Variants in NR6A1 observed in about 807,000 individuals in gnomAD.
NR6A1 encodes retinoic acid receptor-related testis-associated receptor.
Under a neutral mutation model 59.1 loss-of-function variants are expected in NR6A1, and 7 were observed. That is an observed-to-expected ratio of 0.12 (90% CI 0.07 to 0.22). The LOEUF (loss-of-function observed/expected upper bound fraction) is 0.22, where lower values mean the gene tolerates loss of function less well. NR6A1 is among the 10% of genes least tolerant of loss of function. The pLI is 1.00. For missense variants in NR6A1, 468 were observed against 611.6 expected (o/e 0.77, Z 2.48); for synonymous variants, 243 against 236.1 (o/e 1.03, Z -0.27).
At chr9:124,641,851 T>C (rs185582375) in intron 2 of NR6A1, among the ~76,000 whole-genome samples, 1 of 152,318 alleles carries the variant, frequency 6.6e-6, no homozygotes, top group African/African-American at 2.4e-5. Context: ...TAGAGCCTTA[T>C]TCTGTGCTTA....
intron 2 of NR6A1, among the ~76,000 whole-genome samples, chr9:124,584,327 G>A (rs567925499): frequency 3.3e-5 from 5 of 152,086 alleles, no homozygotes; most frequent in African/African-American, 9.6e-5. Flanking sequence ...GGATGCTCTC[G>A]ATCTCCTGAC....
At chr9:124,690,764 C>G (rs566968851) in intron 2 of NR6A1, among the ~76,000 whole-genome samples, 2 of 152,056 alleles carry the variant, frequency 1.3e-5, no homozygotes, top group African/African-American at 2.4e-5. Flanking sequence ...AGTATATAAA[C>G]CCCTTAGCCA....
intron 1 of NR6A1, among the ~76,000 whole-genome samples, chr9:124,743,445 T>C (rs1458479201): frequency 6.6e-6 from 1 of 152,222 alleles, no homozygotes; most frequent in East Asian, 1.9e-4. Context: ...AATACCCTTT[T>C]CCTAATGTAA....
At chr9:124,616,335 G>A (rs552050988) in intron 2 of NR6A1, among the ~76,000 whole-genome samples, 99 of 150,402 alleles carry the variant, frequency 6.6e-4, no homozygotes, top group Non-Finnish European at 1.1e-3. Context: ...CTCGGGAAGC[G>A]GAGATTGCAG....
At chr9:124,603,314 A>G (rs1260567595) in intron 2 of NR6A1, among the ~76,000 whole-genome samples, 1 of 152,114 alleles carries the variant, frequency 6.6e-6, no homozygotes. Context: ...TGGGTGGGGT[A>G]CAGTTCTTCT....
At chr9:124,630,210 G>GTTTTTT (rs71372979) in intron 2 of NR6A1, among the ~76,000 whole-genome samples, 19 of 95,352 alleles carry the variant, frequency 2.0e-4, no homozygotes, top group East Asian at 3.2e-4. Flanking sequence ...CTCCAAATCA[G>GTTTTTT]TTTTTTTTTT....
Position 124,559,232 on chromosome 9 carries a change from A to G in NR6A1, c.143-4662T>C, listed in dbSNP as rs1834012437. ...GTACAGATCTTTACCTGAGGCATGA[A>G]TTCCCTCCACAATGTTCCAAGACAA... On this transcript the variant is annotated intron_variant, in intron 2 of 9. Transcript: ENST00000487099. Among the ~76,000 whole-genome samples, 5 of 152,176 alleles carry G rather than the reference A, an allele frequency of 3.3e-5. No homozygotes were observed. The South Asian group carries it at 1.0e-3, about 32-fold the overall frequency.
intron 3 of NR6A1, among the ~76,000 whole-genome samples, chr9:124,552,694 T>C (rs1431239909): frequency 6.6e-6 from 1 of 152,220 alleles, no homozygotes; most frequent in African/African-American, 2.4e-5. Flanking sequence ...CCCTAAGCTG[T>C]ATCTGTAAAC....
At chr9:124,644,101 A>G (rs1035214662) in intron 2 of NR6A1, among the ~76,000 whole-genome samples, 1 of 151,466 alleles carries the variant, frequency 6.6e-6, no homozygotes, top group Non-Finnish European at 1.5e-5. Flanking sequence ...GGGTTTCACT[A>G]TATTGGCCAG....
chr9:124,633,856 C>G (rs930278355), intron 2 of NR6A1, among the ~76,000 whole-genome samples: 3 of 152,342 alleles, frequency 2.0e-5, no homozygotes, highest in African/African-American at 7.2e-5. Flanking sequence ...GCCTATACCT[C>G]AGAGAGAGTT....
At chr9:124,559,664 C>T (rs1051828540) in intron 2 of NR6A1, among the ~76,000 whole-genome samples, 1 of 152,076 alleles carries the variant, frequency 6.6e-6, no homozygotes, top group African/African-American at 2.4e-5. Context: ...GTAATCCCAG[C>T]GACTCGGGAG....
chr9:124,691,471 T>A (rs1338467128), intron 2 of NR6A1, among the ~76,000 whole-genome samples: 1 of 152,234 alleles, frequency 6.6e-6, no homozygotes, highest in Admixed American at 6.5e-5. Context: ...TCCTATTAAG[T>A]ATTCCTAGAT....
intron 1 of NR6A1, among the ~76,000 whole-genome samples, chr9:124,765,177 T>A (rs1278119561): frequency 6.6e-6 from 1 of 152,214 alleles, no homozygotes; most frequent in Non-Finnish European, 1.5e-5. Context: ...ATTCTGTATT[T>A]GAGATTATAT....
At chr9:124,584,925 T>C (rs1338219155) in intron 2 of NR6A1, among the ~76,000 whole-genome samples, 3 of 152,238 alleles carry the variant, frequency 2.0e-5, no homozygotes, top group African/African-American at 7.2e-5. Context: ...AGAGCCAAGC[T>C]GTGAATGCAA....
intron 2 of NR6A1, among the ~76,000 whole-genome samples, chr9:124,576,644 C>T (rs1381751331): frequency 6.6e-6 from 1 of 152,178 alleles, no homozygotes; most frequent in Non-Finnish European, 1.5e-5. Flanking sequence ...GACTTAATGT[C>T]TCCGAGCTTT....
At chr9:124,729,251 T>A (rs1407596127) in intron 2 of NR6A1, among the ~76,000 whole-genome samples, 1 of 152,238 alleles carries the variant, frequency 6.6e-6, no homozygotes, top group Admixed American at 6.5e-5. Context: ...CACATCATAG[T>A]ATATAAGCAT....
chr9:124,710,734 C>T (rs1839254010), intron 2 of NR6A1, among the ~76,000 whole-genome samples: 1 of 152,164 alleles, frequency 6.6e-6, no homozygotes, highest in African/African-American at 2.4e-5. Context: ...TAGTATTCTA[C>T]TAAGCCTAGT....
chr9:124,578,299 A>G (rs1834665688), intron 2 of NR6A1, among the ~76,000 whole-genome samples: 1 of 152,170 alleles, frequency 6.6e-6, no homozygotes. Context: ...GCCTGTATCT[A>G]CACTGCCCAT....
intron 2 of NR6A1, among the ~76,000 whole-genome samples, chr9:124,618,597 T>C (rs747520420): frequency 1.3e-5 from 2 of 152,174 alleles, no homozygotes; most frequent in Non-Finnish European, 2.9e-5. Context: ...TCCAACAGTG[T>C]TCACTTTAGA....
Sources: allele counts gnomAD v4.1 joint callset (sites outside exome capture counted in the v4.1 genomes callset), GRCh38; gene constraint gnomAD v4.1.1; transcripts MANE v1.5; gene names NCBI Gene and HGNC (gene_info 2026-07-23, HGNC 2026-07-21).